Variants in INTS4 observed in about 807,000 individuals in gnomAD.
INTS4 encodes the protein integrator complex subunit 4, also known as MSTP093.
A neutral mutation model predicts 119.5 loss-of-function variants in INTS4; 70 were observed. That is an observed-to-expected ratio of 0.59 (90% CI 0.48 to 0.71). The LOEUF is 0.71. Ranked by LOEUF, INTS4 falls within the 30% of genes least tolerant of loss-of-function variation. INTS4 has a pLI of 0.00. For synonymous variants in INTS4, 316 were observed against 419.6 expected (o/e 0.75, Z 3.02); for missense variants, 867 against 1,173.2 (o/e 0.74, Z 3.81).
Position 77,921,334 on chromosome 11 carries a change from A to G in INTS4, c.1764+6T>C. On this transcript the variant is annotated splice_donor_region_variant and intron_variant, in intron 14 of 22. Transcript: ENST00000534064. ...AAAACAAGGACAACAGATGTTTTCA[A>G]CATACCCTCAAGGCAGGAACAAGAT... 6.2e-7 allele frequency: 1 copy of G among 1,612,510 alleles called. No homozygotes were observed. The highest frequency in any genetic ancestry group is 8.5e-7 in the Non-Finnish European group (1 of 1,179,136).
At chr11:77,959,038 C>T (rs952922379) in intron 6 of INTS4, among the ~76,000 whole-genome samples, 8 of 152,186 alleles carry the variant, frequency 5.3e-5, no homozygotes, top group African/African-American at 1.9e-4. Context: ...GCACCCTACC[C>T]CATGTCTGAA....
chr11:77,882,777 A>G (rs1339177830), intron 22 of INTS4, among the ~76,000 whole-genome samples: 1 of 152,196 alleles, frequency 6.6e-6, no homozygotes, highest in African/African-American at 2.4e-5. Context: ...ACAGAGGGAA[A>G]CCATTAATAA....
intron 15 of INTS4, among the ~76,000 whole-genome samples, chr11:77,912,143 C>A (rs1953101489): frequency 6.6e-6 from 1 of 152,010 alleles, no homozygotes; most frequent in Non-Finnish European, 1.5e-5. Flanking sequence ...GGGTGGATTG[C>A]CTGAGCTCAG....
chr11:77,924,782 G>C lies in INTS4; in HGVS notation c.1482C>G (p.Thr494=). ...LALVELLKNL[T]KYPTDRDSIW... is the part of the protein sequence containing the mutation. ...TGGAGTCCCTATCAGTAGGGTACTT[G>C]GTTAAATTTTTCAGCAGCTCCACCA... The change falls in exon 12 of 23, where the codon ACC becomes ACG. Residue 494 remains threonine (T), a synonymous_variant. Transcript: ENST00000534064. 6.2e-7 allele frequency: 1 copy of C among 1,608,378 alleles called. No homozygotes were observed. Among genetic ancestry groups the C allele is most frequent in the Non-Finnish European group, 8.5e-7 (1 of 1,174,898 alleles).
chr11:77,988,577 G>A (rs994436812), intron 2 of INTS4, among the ~76,000 whole-genome samples: 1 of 152,174 alleles, frequency 6.6e-6, no homozygotes, highest in African/African-American at 2.4e-5. Flanking sequence ...TAGGAAGTGC[G>A]GGGTGGGGAT....
chr11:77,904,961 T>C (rs1952897961), intron 16 of INTS4, among the ~76,000 whole-genome samples: 1 of 152,200 alleles, frequency 6.6e-6, no homozygotes, highest in South Asian at 2.1e-4. Context: ...GTGGACCTAA[T>C]TTTAGATATC....
At chr11:77,991,946 TCC>T (rs1388902831) in intron 1 of INTS4, among the ~76,000 whole-genome samples, 1 of 151,896 alleles carries the variant, frequency 6.6e-6, no homozygotes, top group Non-Finnish European at 1.5e-5. Context: ...CCTCCCTGAC[TCC>T]CAACTAGCTG....
chr11:77,922,521 C>T lies in INTS4; in HGVS notation c.1515-50G>A, dbSNP rs914151870. On this transcript the variant is annotated intron_variant, in intron 12 of 22. Transcript: ENST00000534064. ...CATCAACAAATTAGTAAAGTTAGTC[C>T]TTTGAAAAGTACTAGGAACTGGAAT... The T allele has an allele frequency of 6.1e-5, 47 of 773,094 alleles. No individual in the cohort carries two copies. The African/African-American group carries it at 7.8e-4, about 13-fold the overall frequency. The allele number at this position is 773,094 out of a possible 1,614,324, so 47.9% of individuals were successfully genotyped here. A position where few individuals can be genotyped will look rare whatever the true frequency, so the allele number is the denominator to read the frequency against.
At chr11:77,948,701 A>G (rs1252487359) in intron 8 of INTS4, among the ~76,000 whole-genome samples, 1 of 146,894 alleles carries the variant, frequency 6.8e-6, no homozygotes, top group Non-Finnish European at 1.5e-5. Context: ...AAGAAGGAAA[A>G]AATCTTGAAT....
At chr11:77,957,948 C>T (rs1194564081) in intron 7 of INTS4, among the ~76,000 whole-genome samples, 1 of 152,018 alleles carries the variant, frequency 6.6e-6, no homozygotes, top group Admixed American at 6.6e-5. Flanking sequence ...GGATTACAGG[C>T]ACCACCGTGT....
rs1341041232 is a variant in INTS4, at chr11:77,899,526, C to T, written c.2228+1895G>A. On this transcript the variant is annotated intron_variant, in intron 18 of 22. Coordinates refer to ENST00000534064, the MANE Select transcript of INTS4 (RefSeq NM_033547.4). ...TCTCTACTGAAAATACAAAATTAGC[C>T]GGGCATGGTGTTGCATGCCTGTAAT... Among the ~76,000 whole-genome samples the T allele has an allele frequency of 5.3e-5, 8 of 151,526 alleles. 1 individual carries two copies. Among genetic ancestry groups the T allele is most frequent in the Admixed American group, 2.6e-4 (4 of 15,230 alleles).
intron 8 of INTS4, among the ~76,000 whole-genome samples, chr11:77,942,908 A>G (rs1427500271): frequency 6.6e-6 from 1 of 152,226 alleles, no homozygotes; most frequent in African/African-American, 2.4e-5. Context: ...ATGATTCCAC[A>G]AAAACAACTG....
At position 77,981,511 on chromosome 11, in the gene INTS4, T is replaced by C; in HGVS notation, c.312A>G (p.Gly104=). The C allele has an allele frequency of 6.3e-7, 1 of 1,575,474 alleles. No individual in the cohort carries two copies. The highest frequency in any genetic ancestry group is 8.6e-7 in the Non-Finnish European group (1 of 1,159,132). The change falls in exon 3 of 23, where the codon GGA becomes GGG. Residue 104 remains glycine, a synonymous_variant. Transcript: ENST00000534064. ...SLLGLLSKTA[G]FSPDCIMDDA... ...CATCCATAATGCAGTCTGGTGAAAATCCTGCTGTCTTTGATAATAAACCCA... is the reference window on the plus strand; with the variant it reads ...CATCCATAATGCAGTCTGGTGAAAACCCTGCTGTCTTTGATAATAAACCCA...
At chr11:77,915,993 A>G (rs1953197026) in intron 15 of INTS4, among the ~76,000 whole-genome samples, 1 of 152,170 alleles carries the variant, frequency 6.6e-6, no homozygotes, top group Admixed American at 6.5e-5. Context: ...CAGGAACATC[A>G]GCCTCCTTGG....
At chr11:77,879,696 T>A (rs779459119) in intron 22 of INTS4, among the ~76,000 whole-genome samples, 3 of 152,304 alleles carry the variant, frequency 2.0e-5, no homozygotes, top group Non-Finnish European at 4.4e-5. Flanking sequence ...AATCATCTAG[T>A]GTCTCTATGT....
In INTS4 at chr11:77,994,520, C is replaced by G. The variant is rs987333326; in HGVS notation, c.54+70G>C. 6 of 1,267,690 alleles carry G rather than the reference C, an allele frequency of 4.7e-6. No individual in the cohort carries two copies. The Admixed American group carries it at 5.1e-5, about 11-fold the overall frequency. The allele number at this position is 1,267,690 out of a possible 1,614,324, so 78.5% of individuals were successfully genotyped here. ...GCGTATGGAGCCTCTTCTGTTCCGG[C>G]AAAGTGCCTGGGATTTGGATAATCT... On this transcript the variant is annotated intron_variant, in intron 1 of 22. Coordinates refer to ENST00000534064, the MANE Select transcript of INTS4 (RefSeq NM_033547.4).
chr11:77,987,551 C>T lies in INTS4; in HGVS notation c.246+3557G>A, dbSNP rs115025345. 787 of 421,232 alleles carry T rather than the reference C, an allele frequency of 1.9e-3. 3 individuals carry two copies. The highest frequency in any genetic ancestry group is 0.015 in the African/African-American group (721 of 47,930). 26.1% of individuals were successfully genotyped at this position (421,232 alleles called of 1,614,324 possible). A position where few individuals can be genotyped will look rare whatever the true frequency, so the allele number is the denominator to read the frequency against. ...AACGGAAAATAGATCACTGAGAGATCGAAAACTTCTTGAGAACAGAAATCC... is the reference window on the plus strand; with the variant it reads ...AACGGAAAATAGATCACTGAGAGATTGAAAACTTCTTGAGAACAGAAATCC... On this transcript the variant is annotated intron_variant, in intron 2 of 22. Transcript: ENST00000534064.
intron 13 of INTS4, among the ~76,000 whole-genome samples, 199 bp downstream of exon 13, chr11:77,922,157 G>C (rs1187407003): frequency 6.6e-6 from 1 of 150,986 alleles, no homozygotes; most frequent in Non-Finnish European, 1.5e-5. Flanking sequence ...GAACCCGGGA[G>C]GCAGAGGTTT....
Position 77,921,417 on chromosome 11 carries a change from C to T in INTS4, c.1687G>A (p.Ala563Thr), listed in dbSNP as rs1224869036. 29 of 1,610,504 alleles carry T rather than the reference C, an allele frequency of 1.8e-5. No homozygotes were observed. The highest frequency in any genetic ancestry group is 2.2e-5 in the Non-Finnish European group (26 of 1,176,724). ...NAAKTCPTMP[A>T]LFSDHTFRHY... ...CTGAAGGTGTGATCTGAGAACAATG[C>T]TGGCATTGTTGGACAGGTTTTAGCA... The change falls in exon 14 of 23, where the codon GCA becomes ACA. Residue 563 changes from alanine (A) to threonine (T), a missense_variant. Ala to Thr is a moderately conservative substitution (Grantham distance 58). Coordinates refer to ENST00000534064, the MANE Select transcript of INTS4 (RefSeq NM_033547.4).
Sources: allele counts gnomAD v4.1 joint callset (sites outside exome capture counted in the v4.1 genomes callset), GRCh38; gene constraint gnomAD v4.1.1; transcripts MANE v1.5; gene names NCBI Gene and HGNC (gene_info 2026-07-23, HGNC 2026-07-21).